Variants in SAMMSON observed in about 807,000 individuals in gnomAD.
SAMMSON encodes the protein survival associated mitochondrial melanoma specific oncogenic non-coding RNA.
intron 4 of SAMMSON, among the ~76,000 whole-genome samples, chr3:70,222,882 A>G (rs963890038): frequency 1.3e-5 from 2 of 152,192 alleles, no homozygotes; most frequent in Non-Finnish European, 2.9e-5. Flanking sequence ...GTCAAGGTCA[A>G]TCTGAGAGGA....
At chr3:70,112,200 T>C (rs2067392514) in intron 4 of SAMMSON, among the ~76,000 whole-genome samples, 1 of 151,960 alleles carries the variant, frequency 6.6e-6, no homozygotes, top group African/African-American at 2.4e-5. Flanking sequence ...AAAAGACAGA[T>C]TACATATAAA....
intron 4 of SAMMSON, among the ~76,000 whole-genome samples, chr3:70,100,506 T>C (rs2067339799): frequency 1.1e-5 from 1 of 91,044 alleles, no homozygotes; most frequent in East Asian, 4.1e-4. Context: ...AGTTATCCAC[T>C]TGAAAGAGTG....
intron 3 of SAMMSON, among the ~76,000 whole-genome samples, chr3:70,045,089 T>A (rs1419216162): frequency 4.7e-4 from 19 of 40,484 alleles, no homozygotes; most frequent in East Asian, 1.4e-3. Flanking sequence ...TATATATAAT[T>A]AATTATAATA....
intron 4 of SAMMSON, among the ~76,000 whole-genome samples, chr3:70,198,527 C>G (rs1457928680): frequency 6.6e-6 from 1 of 152,186 alleles, no homozygotes; most frequent in Non-Finnish European, 1.5e-5. Context: ...TGTAAAAACA[C>G]TATATAAAGT....
intron 4 of SAMMSON, among the ~76,000 whole-genome samples, chr3:70,124,522 T>C (rs1225839871): frequency 6.6e-6 from 1 of 152,116 alleles, no homozygotes; most frequent in Non-Finnish European, 1.5e-5. Context: ...CTTAAAATAC[T>C]GTACCTGTGG....
downstream of SAMMSON, among the ~76,000 whole-genome samples, chr3:70,394,192 T>TAC (rs1456692141): frequency 6.6e-6 from 1 of 152,180 alleles, no homozygotes; most frequent in Non-Finnish European, 1.5e-5. Flanking sequence ...CAGGTTTTGC[T>TAC]ACCGATAGAA....
At position 70,221,986 on chromosome 3, in the gene SAMMSON, T is replaced by G. The variant is rs529300225; in HGVS notation, n.508-27121T>G. ...TTTTAAGCACCTTGATCAATTAGGT[T>G]GTCATAGAAAAATGTCAAGTGTTCC... On this transcript the variant is annotated intron_variant and non_coding_transcript_variant, in intron 4 of 9. Coordinates refer to ENST00000642114, the Ensembl canonical transcript of SAMMSON. Among the ~76,000 whole-genome samples the G allele has an allele frequency of 4.2e-4, 64 of 152,244 alleles. 1 individual carries two copies. Among genetic ancestry groups the G allele is most frequent in the African/African-American group, 1.4e-3 (60 of 41,550 alleles).
chr3:70,415,124 C>A (rs1369486127), intron 2 of SAMMSON, among the ~76,000 whole-genome samples: 1 of 152,140 alleles, frequency 6.6e-6, no homozygotes, highest in East Asian at 1.9e-4. Flanking sequence ...TTGACTTCTG[C>A]CAACAAGACC....
At chr3:70,365,534 C>T (rs1305558612) in intron 9 of SAMMSON, among the ~76,000 whole-genome samples, 2 of 151,750 alleles carry the variant, frequency 1.3e-5, no homozygotes, top group Non-Finnish European at 3.0e-5. Context: ...CTGTAAACTC[C>T]TATTCCAGTA....
At chr3:70,021,252 T>C (rs1390683275) in intron 3 of SAMMSON, among the ~76,000 whole-genome samples, 1 of 152,156 alleles carries the variant, frequency 6.6e-6, no homozygotes, top group African/African-American at 2.4e-5. Context: ...GTGTAATGAG[T>C]TCTCATTTTC....
chr3:70,248,750 C>G (rs548538394), intron 4 of SAMMSON, among the ~76,000 whole-genome samples: 2 of 152,118 alleles, frequency 1.3e-5, no homozygotes, highest in East Asian at 3.9e-4. Context: ...CTCAACAGCT[C>G]AACATATTGG....
chr3:70,075,831 A>G lies in SAMMSON; in HGVS notation n.507+4266A>G, dbSNP rs1267490142. 5.3e-5 allele frequency among the ~76,000 whole-genome samples: 8 copies of G among 150,394 alleles called. No individual in the cohort carries two copies. In the South Asian group the frequency reaches 1.7e-3, roughly 32 times the overall value. On this transcript the variant is annotated intron_variant and non_coding_transcript_variant, in intron 4 of 9. Transcript: ENST00000642114. Reference sequence around the variant, plus strand: ...CATCTTTTCTTTCATATAAGCCTAGAGTTTTGGGCTTTTGGAAAATGTTTT... The same window carrying G: ...CATCTTTTCTTTCATATAAGCCTAGGGTTTTGGGCTTTTGGAAAATGTTTT...
chr3:70,173,695 G>A (rs1329060008), intron 4 of SAMMSON, among the ~76,000 whole-genome samples: 1 of 151,764 alleles, frequency 6.6e-6, no homozygotes, highest in Non-Finnish European at 1.5e-5. Flanking sequence ...ACAAAAATAA[G>A]TACTTTTTTT....
intron 4 of SAMMSON, among the ~76,000 whole-genome samples, chr3:70,154,705 C>G: frequency 6.6e-6 from 1 of 152,022 alleles, no homozygotes; most frequent in Admixed American, 6.6e-5. Context: ...TGGAGGAAAC[C>G]ATGAAAGTTT....
chr3:70,207,426 T>C (rs984903957), intron 4 of SAMMSON, among the ~76,000 whole-genome samples: 1 of 152,056 alleles, frequency 6.6e-6, no homozygotes, highest in Non-Finnish European at 1.5e-5. Context: ...CACATAACTG[T>C]CTGGCACAAT....
chr3:70,331,461 C>G (rs1342289577), intron 7 of SAMMSON, among the ~76,000 whole-genome samples: 1 of 152,162 alleles, frequency 6.6e-6, no homozygotes, highest in Non-Finnish European at 1.5e-5. Flanking sequence ...TCCACCCCCA[C>G]AAATCCAATT....
At chr3:70,412,165 G>A (rs553473436) in intron 2 of SAMMSON, among the ~76,000 whole-genome samples, 2 of 152,254 alleles carry the variant, frequency 1.3e-5, no homozygotes, top group East Asian at 1.9e-4. Flanking sequence ...AATTGAATAT[G>A]TAAAAACATA....
chr3:70,282,618 T>C (rs983198868), intron 6 of SAMMSON, among the ~76,000 whole-genome samples: 2 of 152,170 alleles, frequency 1.3e-5, no homozygotes, highest in African/African-American at 4.8e-5. Flanking sequence ...AAATCCTTTC[T>C]TTCTAGATCT....
chr3:70,124,697 C>A (rs1357864147), intron 4 of SAMMSON, among the ~76,000 whole-genome samples: 1 of 151,192 alleles, frequency 6.6e-6, no homozygotes, highest in Non-Finnish European at 1.5e-5. Context: ...CGCCTGTAGT[C>A]CCAGCTACTT....
Sources: gnomAD v4.1 joint callset for allele counts (sites outside exome capture counted in the v4.1 genomes callset) on GRCh38, gnomAD v4.1.1 for gene constraint, MANE v1.5 for transcripts, NCBI Gene and HGNC (gene_info 2026-07-23, HGNC 2026-07-21) for gene names.